The following ARHGAP21 variants were observed in gnomAD, a reference collection of about 807,000 sequenced individuals.
ARHGAP21 encodes rho GTPase-activating protein 21.
ARHGAP21 carries 38 observed loss-of-function variants against 164.6 expected under a neutral mutation model. That is an observed-to-expected ratio of 0.23 (90% CI 0.18 to 0.30). The LOEUF is 0.30. Ranked by LOEUF, ARHGAP21 falls within the 10% of genes least tolerant of loss-of-function variation. The pLI, the probability that ARHGAP21 is intolerant of heterozygous loss-of-function variation, is 1.00. For synonymous variants in ARHGAP21, 766 were observed against 857.9 expected (o/e 0.89, Z 1.87); for missense variants, 1,822 against 2,370.7 (o/e 0.77, Z 4.81).
chr10:24,701,845 G>T (rs926075836), intron 2 of ARHGAP21, among the ~76,000 whole-genome samples: 1 of 152,136 alleles, frequency 6.6e-6, no homozygotes, highest in Non-Finnish European at 1.5e-5. Flanking sequence ...CTGTATACAA[G>T]TATCTACAGA....
chr10:24,632,629 AACTGC>A (rs931232111), intron 6 of ARHGAP21, among the ~76,000 whole-genome samples: 2 of 152,214 alleles, frequency 1.3e-5, no homozygotes, highest in African/African-American at 4.8e-5. Flanking sequence ...TCAGAAAATG[AACTGC>A]ACTTGAATTA....
intron 4 of ARHGAP21, among the ~76,000 whole-genome samples, chr10:24,651,566 G>A (rs1207627335): frequency 6.6e-6 from 1 of 152,202 alleles, no homozygotes; most frequent in African/African-American, 2.4e-5. Flanking sequence ...GAGCAGAGAT[G>A]CAAAAATTCT....
chr10:24,591,576 T>G, intron 23 of ARHGAP21, 66 bp downstream of exon 23: 4 of 1,573,914 alleles, frequency 2.5e-6, no homozygotes, highest in African/African-American at 2.7e-5. Context: ...TTGACATTGT[T>G]GGCGCGCCAG....
intron 21 of ARHGAP21, among the ~76,000 whole-genome samples, chr10:24,594,329 C>T (rs552018432): frequency 1.3e-5 from 2 of 152,240 alleles, no homozygotes; most frequent in South Asian, 2.1e-4. Flanking sequence ...AATAACCCTA[C>T]AAAGACACTT....
intron 4 of ARHGAP21, among the ~76,000 whole-genome samples, chr10:24,666,390 T>C (rs1262889603): frequency 2.6e-5 from 4 of 152,218 alleles, no homozygotes; most frequent in Non-Finnish European, 4.4e-5. Flanking sequence ...ACATGAAAAT[T>C]CTCTGTACTA....
intron 4 of ARHGAP21, among the ~76,000 whole-genome samples, chr10:24,653,150 C>T (rs1344094751): frequency 6.6e-6 from 1 of 152,296 alleles, no homozygotes; most frequent in East Asian, 1.9e-4. Context: ...TGCATACACC[C>T]ATGTAACCAC....
At chr10:24,628,928 C>CACATAT (rs1835477817) in intron 7 of ARHGAP21, 1 of 81,378 alleles carries the variant, frequency 1.2e-5, no homozygotes, top group Admixed American at 1.7e-4. Flanking sequence ...CATATATATA[C>CACATAT]ATACATATAT....
At chr10:24,634,942 A>T in intron 5 of ARHGAP21, 69 bp downstream of exon 5, 2 of 1,208,680 alleles carry the variant, frequency 1.7e-6, no homozygotes, top group Non-Finnish European at 2.3e-6. Flanking sequence ...AAAATATCGA[A>T]CATGAAATAT....
In ARHGAP21 at chr10:24,600,866, T is replaced by G; in HGVS notation, c.2912A>C (p.Tyr971Ser). Reference protein sequence around the residue: ...MYVVLRGHSLYLYKDKREQTT... With the variant: ...MYVVLRGHSLSLYKDKREQTT... Reference sequence around the variant, plus strand: ...CTGCTCTCTTTTATCTTTGTACAGGTAAAGTGAATGACCCCGAAGGACAAC... The same window carrying G: ...CTGCTCTCTTTTATCTTTGTACAGGGAAAGTGAATGACCCCGAAGGACAAC... The change falls in exon 14 of 26, where the codon TAC (tyrosine) becomes TCC (serine). Residue 971 changes from tyrosine to serine, a missense_variant. Around this residue, in one of 5 missense-constraint regions of ARHGAP21, gnomAD observed 1,090 missense variants for 1,378.9 expected, o/e 0.79. Transcript: ENST00000396432. The G allele has an allele frequency of 6.2e-7, 1 of 1,614,196 alleles. No individual in the cohort carries two copies. Among genetic ancestry groups the G allele is most frequent in the Non-Finnish European group, 8.5e-7 (1 of 1,180,018 alleles).
At chr10:24,693,476 G>A (rs1213323557) in intron 2 of ARHGAP21, among the ~76,000 whole-genome samples, 13 of 151,706 alleles carry the variant, frequency 8.6e-5, no homozygotes, top group East Asian at 1.9e-4. Context: ...TCAGCCTCCC[G>A]AGTAGCTTGG....
chr10:24,709,738 T>TA (rs201779827), intron 2 of ARHGAP21, among the ~76,000 whole-genome samples: 407 of 130,992 alleles, frequency 3.1e-3, no homozygotes, highest in African/African-American at 7.2e-3. Flanking sequence ...AACCTTCTCT[T>TA]AAAAAAAAAA....
intron 1 of ARHGAP21, chr10:24,722,802 C>T (rs1039470991): frequency 6.6e-6 from 1 of 151,914 alleles, no homozygotes; most frequent in Non-Finnish European, 1.5e-5. Context: ...CCCGAGGAGG[C>T]GGCTGTTTTC....
chr10:24,672,964 T>A (rs532709218), intron 2 of ARHGAP21, among the ~76,000 whole-genome samples: 1 of 152,254 alleles, frequency 6.6e-6, no homozygotes, highest in East Asian at 1.9e-4. Flanking sequence ...TATAATTACA[T>A]TAAAATATGA....
intron 7 of ARHGAP21, among the ~76,000 whole-genome samples, chr10:24,628,374 A>C (rs1014636318): frequency 6.6e-6 from 1 of 152,180 alleles, no homozygotes. Flanking sequence ...GTTTCACTTA[A>C]TTATAGTTTA....
chr10:24,676,321 T>G (rs992748321), intron 2 of ARHGAP21, among the ~76,000 whole-genome samples: 3 of 152,258 alleles, frequency 2.0e-5, no homozygotes, highest in Non-Finnish European at 4.4e-5. Flanking sequence ...AGTGTACATG[T>G]GCAGTTTTGT....
intron 2 of ARHGAP21, among the ~76,000 whole-genome samples, chr10:24,687,188 C>G (rs1842293891): frequency 6.6e-6 from 1 of 152,118 alleles, no homozygotes; most frequent in Admixed American, 6.6e-5. Flanking sequence ...AGGCAGTTTC[C>G]CAGGCCCTCT....
At chr10:24,675,118 A>G (rs1039221252) in intron 2 of ARHGAP21, among the ~76,000 whole-genome samples, 4 of 152,268 alleles carry the variant, frequency 2.6e-5, no homozygotes, top group African/African-American at 7.2e-5. Flanking sequence ...AGACTTGTAC[A>G]TAAATGTGCA....
intron 24 of ARHGAP21, chr10:24,590,695 A>C (rs1473839962): frequency 3.8e-6 from 5 of 1,330,094 alleles, no homozygotes; most frequent in Non-Finnish European, 4.8e-6. Context: ...AAGAAAATAA[A>C]TGTCAAATAG....
At chr10:24,718,300 G>C (rs2132319940) in intron 2 of ARHGAP21, among the ~76,000 whole-genome samples, 1 of 152,292 alleles carries the variant, frequency 6.6e-6, no homozygotes, top group East Asian at 1.9e-4. Flanking sequence ...TGCAATGCCT[G>C]GGGAATATCC....
Sources: allele counts gnomAD v4.1 joint callset (sites outside exome capture counted in the v4.1 genomes callset), GRCh38; gene constraint gnomAD v4.1.1; regional missense constraint gnomAD v4.1.1; transcripts MANE v1.5; gene names NCBI Gene and HGNC (gene_info 2026-07-23, HGNC 2026-07-21).